The following STK24 variants were observed in gnomAD, a reference collection of about 807,000 sequenced individuals.
STK24 encodes serine/threonine-protein kinase 24.
In STK24, 21 loss-of-function variants were observed where a neutral mutation model predicts 55.6. The ratio of observed to expected loss-of-function variants is 0.38; its 90% CI spans 0.27 to 0.54. STK24 has a LOEUF of 0.54. Ranked by LOEUF, STK24 falls within the 20% of genes least tolerant of loss-of-function variation. The probability of loss-of-function intolerance (pLI) is 0.79; values close to 1 mark genes in which losing one functional copy is unlikely to be tolerated. For synonymous variants in STK24, 200 were observed against 215.2 expected, an observed-to-expected ratio of 0.93 and a Z score of 0.62; for missense variants, 383 against 538.4, an observed-to-expected ratio of 0.71 and a Z score of 2.86.
intron 1 of STK24, among the ~76,000 whole-genome samples, chr13:98,551,167 T>C (rs1897151260): frequency 6.6e-6 from 1 of 151,754 alleles, no homozygotes; most frequent in South Asian, 2.1e-4. Context: ...GCGCCTGTAG[T>C]CCCAGCTACT....
chr13:98,543,008 T>C, intron 1 of STK24: 1 of 985,272 alleles, frequency 1.0e-6, no homozygotes, highest in Non-Finnish European at 1.2e-6. Flanking sequence ...CCAGCTAGCG[T>C]GGACCTGGAA....
At chr13:98,493,748 T>G (rs1895130540) in intron 2 of STK24, among the ~76,000 whole-genome samples, 1 of 152,038 alleles carries the variant, frequency 6.6e-6, no homozygotes, top group Admixed American at 6.5e-5. Flanking sequence ...ATTAATTCTT[T>G]CAAGACCCAG....
intron 2 of STK24, among the ~76,000 whole-genome samples, chr13:98,483,881 C>G (rs1385496798): frequency 6.6e-6 from 1 of 152,232 alleles, no homozygotes; most frequent in Non-Finnish European, 1.5e-5. Context: ...ATCCTGCCAT[C>G]TGGAGTTGAT....
intron 1 of STK24, among the ~76,000 whole-genome samples, chr13:98,551,126 A>T (rs1298148201): frequency 5.9e-5 from 9 of 152,038 alleles, no homozygotes; most frequent in Admixed American, 5.9e-4. Flanking sequence ...CTTTACTAAA[A>T]ATACAAAAAA....
intron 1 of STK24, among the ~76,000 whole-genome samples, chr13:98,575,107 G>A (rs764697869): frequency 6.6e-6 from 1 of 151,950 alleles, no homozygotes; most frequent in African/African-American, 2.4e-5. Context: ...TTTCTTGCTC[G>A]ACTAGTAAGA....
At position 98,445,856 on chromosome 13, in the gene STK24, C is replaced by CAT. The variant is rs1214321121; in HGVS notation, c.*7316_*7317insAT. The CAT allele has an allele frequency of 1.6e-5, 6 of 384,330 alleles. No individual in the cohort carries two copies. Among genetic ancestry groups the CAT allele is most frequent in the South Asian group, 5.3e-5 (2 of 37,804 alleles). The allele number at this position is 384,330 out of a possible 1,614,324, so 23.8% of individuals were successfully genotyped here. A position where few individuals can be genotyped will look rare whatever the true frequency, so the allele number is the denominator to read the frequency against. On this transcript the variant is annotated 3_prime_UTR_variant, in exon 11 of 11. Coordinates refer to ENST00000539966, the MANE Select transcript of STK24 (RefSeq NM_001032296.4). ...AAGGTACTGGTAGTCAGGACCTCAA[C>CAT]GTGTCTTTTGGGGGGACACAGGGAC...
At chr13:98,471,873 T>C (rs1460977477) in intron 5 of STK24, among the ~76,000 whole-genome samples, 1 of 152,186 alleles carries the variant, frequency 6.6e-6, no homozygotes, top group Non-Finnish European at 1.5e-5. Context: ...CCTTCATAAC[T>C]ACCATACAGA....
At chr13:98,489,625 GGTCC>G (rs1238165762) in intron 2 of STK24, among the ~76,000 whole-genome samples, 1 of 152,210 alleles carries the variant, frequency 6.6e-6, no homozygotes, top group Non-Finnish European at 1.5e-5. Flanking sequence ...TGCTCACGAA[GGTCC>G]GTCTAACCTC....
chr13:98,519,462 T>C lies in STK24; in HGVS notation c.54A>G (p.Ala18=), dbSNP rs900931413. The C allele has an allele frequency of 2.5e-6, 4 of 1,614,144 alleles. No individual in the cohort carries two copies. Among genetic ancestry groups the C allele is most frequent in the Non-Finnish European group, 3.4e-6 (4 of 1,180,012 alleles). ...SGLPGMQNLK[A]DPEELFTKLE... ...GTTTTGTAAAAAGCTCTTCTGGGTC[T>C]GCCTTTAGGTTCTGTAGAGAGAAGG... Residue 18 remains alanine (A), a synonymous_variant, in exon 2 of 11, where the codon GCA becomes GCG. Coordinates refer to ENST00000539966, the MANE Select transcript of STK24 (RefSeq NM_001032296.4).
chr13:98,573,089 T>C (rs1328916704), intron 1 of STK24, among the ~76,000 whole-genome samples: 1 of 152,186 alleles, frequency 6.6e-6, no homozygotes, highest in Non-Finnish European at 1.5e-5. Flanking sequence ...AATGCAAATA[T>C]TCCAAAATTC....
intron 5 of STK24, among the ~76,000 whole-genome samples, chr13:98,467,169 A>C (rs1407588485): frequency 6.6e-6 from 1 of 152,190 alleles, no homozygotes. Flanking sequence ...ACATACAAAG[A>C]ACTGAGAAAT....
chr13:98,506,310 G>A (rs1406844370), intron 2 of STK24, among the ~76,000 whole-genome samples: 2 of 152,228 alleles, frequency 1.3e-5, no homozygotes, highest in African/African-American at 4.8e-5. Flanking sequence ...AATACAGGTC[G>A]TCAGGAAGGA....
Position 98,446,337 on chromosome 13 carries a change from C to G in STK24, c.*6836G>C, listed in dbSNP as rs1237809121. The G allele has an allele frequency of 4.7e-6, 3 of 641,494 alleles. No individual in the cohort carries two copies. Among genetic ancestry groups the G allele is most frequent in the Non-Finnish European group, 8.3e-6 (3 of 362,690 alleles). 39.7% of individuals were successfully genotyped at this position (641,494 alleles called of 1,614,324 possible). ...GTCACGGGGATGACAGGGATGCTGG[C>G]GGGGGGCCCTGTCCACCCGAGGCCC... On this transcript the variant is annotated 3_prime_UTR_variant, in exon 11 of 11. Coordinates refer to ENST00000539966, the MANE Select transcript of STK24 (RefSeq NM_001032296.4).
At chr13:98,576,250 C>G (rs964172167) in intron 1 of STK24, 1 of 981,960 alleles carries the variant, frequency 1.0e-6, no homozygotes, top group East Asian at 1.1e-4. Context: ...CCGGACGAGT[C>G]CAGGCGCGCT....
intron 1 of STK24, among the ~76,000 whole-genome samples, chr13:98,559,002 T>TAACAAA (rs1897346008): frequency 4.6e-5 from 2 of 43,024 alleles, no homozygotes; most frequent in African/African-American, 2.0e-4. Flanking sequence ...CTGTCTCTAC[T>TAACAAA]AAAAAAAAAA....
intron 2 of STK24, among the ~76,000 whole-genome samples, chr13:98,483,891 T>C (rs933429969): frequency 2.6e-5 from 4 of 152,240 alleles, no homozygotes; most frequent in East Asian, 3.8e-4. Flanking sequence ...CTGGAGTTGA[T>C]TCTAAGACAG....
intron 5 of STK24, among the ~76,000 whole-genome samples, chr13:98,469,453 G>A (rs1285680516): frequency 2.0e-5 from 3 of 152,060 alleles, no homozygotes; most frequent in African/African-American, 7.3e-5. Context: ...GGAGGCTGAG[G>A]CAGGAGAATC....
intron 5 of STK24, among the ~76,000 whole-genome samples, chr13:98,469,398 A>C (rs559026306): frequency 6.6e-6 from 1 of 152,064 alleles, no homozygotes; most frequent in African/African-American, 2.4e-5. Flanking sequence ...AAAATACAAA[A>C]ATCAGCCGGG....
intron 1 of STK24, among the ~76,000 whole-genome samples, chr13:98,557,184 T>A (rs1897306575): frequency 6.6e-6 from 1 of 152,200 alleles, no homozygotes; most frequent in Non-Finnish European, 1.5e-5. Flanking sequence ...ACCCTCTGTA[T>A]AGTGATAACA....
Sources: allele counts gnomAD v4.1 joint callset (sites outside exome capture counted in the v4.1 genomes callset), GRCh38; gene constraint gnomAD v4.1.1; transcripts MANE v1.5; gene names NCBI Gene and HGNC (gene_info 2026-07-23, HGNC 2026-07-21).